WNT5B: variants seen among roughly 807,000 people sequenced by gnomAD.
The protein encoded by WNT5B is protein Wnt-5b.
Under a neutral mutation model 36.5 loss-of-function variants are expected in WNT5B, and 18 were observed. The ratio of observed to expected loss-of-function variants is 0.49; its 90% CI spans 0.34 to 0.73. WNT5B has a LOEUF of 0.73. Among genes scored for constraint, WNT5B ranks in the 30% least tolerant of loss-of-function variants. The pLI is 0.01. For synonymous variants in WNT5B, 213 were observed against 212.3 expected, an observed-to-expected ratio of 1.00 and a Z score of -0.03; for missense variants, 424 against 508.4, an observed-to-expected ratio of 0.83 and a Z score of 1.60.
At position 1,646,958 on chromosome 12, in the gene WNT5B, T is replaced by C. The variant is rs1408350835; in HGVS notation, c.*706T>C. On this transcript the variant is annotated 3_prime_UTR_variant, in exon 5 of 5. Coordinates refer to ENST00000397196, the MANE Select transcript of WNT5B (RefSeq NM_032642.3). ...GGAAAGGGGGCCATTTGACCTGACA[T>C]GTCAGGAAAGCCCTAAACTGAATGT... 6.6e-6 allele frequency: 1 copy of C among 152,228 alleles called. No individual in the cohort carries two copies. Among genetic ancestry groups the C allele is most frequent in the African/African-American group, 2.4e-5 (1 of 41,446 alleles). The allele number at this position is 152,228 out of a possible 1,614,324, so 9.4% of individuals were successfully genotyped here.
In WNT5B at chr12:1,646,918, G is replaced by A. The variant is rs1011699374; in HGVS notation, c.*666G>A. The A allele has an allele frequency of 3.3e-5, 5 of 152,228 alleles. No homozygotes were observed. The highest frequency in any genetic ancestry group is 4.8e-5 in the African/African-American group (2 of 41,424). 9.4% of individuals were successfully genotyped at this position (152,228 alleles called of 1,614,324 possible). On this transcript the variant is annotated 3_prime_UTR_variant, in exon 5 of 5. Coordinates refer to ENST00000397196, the MANE Select transcript of WNT5B (RefSeq NM_032642.3). ...ATTCTTCATCCTCCACGGTTCACTA[G>A]CTCCTACCTGAAGAGGAAAGGGGGC...
rs2094548090 is a variant in WNT5B, at chr12:1,630,332, C to T, written c.-58+961C>T. 1 of 723,308 alleles carries T rather than the reference C, an allele frequency of 1.4e-6. No individual in the cohort carries two copies. Among genetic ancestry groups the T allele is most frequent in the East Asian group, 1.3e-4 (1 of 7,652 alleles). 44.8% of individuals were successfully genotyped at this position (723,308 alleles called of 1,614,324 possible). On this transcript the variant is annotated intron_variant, in intron 1 of 4. Transcript: ENST00000397196. The surrounding 1 kb of genome is among the most constrained non-coding windows in gnomAD (Gnocchi z 5.3). ...GGCCGTGTGTCCCGAGGCGCAGGCT[C>T]GCTCTAGCAGCACTGACCTGCTGCG...
In WNT5B at chr12:1,639,417, C is replaced by CG. The variant is rs374006525; in HGVS notation, c.329-267_329-266insG. 9.2e-3 allele frequency among the ~76,000 whole-genome samples: 1,394 copies of CG among 152,238 alleles called. 19 individuals carry two copies. The highest frequency in any genetic ancestry group is 0.032 in the African/African-American group (1,309 of 41,552). On this transcript the variant is annotated intron_variant, in intron 3 of 4. Coordinates refer to ENST00000397196, the MANE Select transcript of WNT5B (RefSeq NM_032642.3). The stretch of plus-strand genomic sequence containing the variant: ...CCTCCCAAAGGGCTGGGATTACGGG[C>CG]TGAGCCACCGCGCCGGGCCAGGGAC...
chr12:1,631,188 G>C (rs539922026), intron 1 of WNT5B, 110 bp from the exon 2 acceptor site: 38 of 974,496 alleles, frequency 3.9e-5, no homozygotes, highest in Middle Eastern at 2.3e-4. Context: ...TCTTTGTGGG[G>C]AACACGCAGC....
chr12:1,638,247 AAAACAAAC>A (rs968495528), intron 3 of WNT5B, among the ~76,000 whole-genome samples: 2 of 152,352 alleles, frequency 1.3e-5, no homozygotes, highest in Non-Finnish European at 2.9e-5. Flanking sequence ...CTCTCTCTCA[AAAACAAAC>A]AAACAAACAA....
Position 1,646,150 on chromosome 12 carries a change from C to G in WNT5B, c.978C>G (p.Phe326Leu). ...GCTGCGGGCGTGGCTACAACCAGTT[C>G]AAGAGCGTGCAGGTGGAGCGCTGCC... ...LMCCGRGYNQFKSVQVERCHC... is the reference protein window; with the variant it reads ...LMCCGRGYNQLKSVQVERCHC... Residue 326 changes from phenylalanine (F) to leucine (L), a missense_variant, in exon 5 of 5, where the codon TTC becomes TTG. By Grantham distance (22) the Phe-to-Leu change is conservative. Coordinates refer to ENST00000397196, the MANE Select transcript of WNT5B (RefSeq NM_032642.3). 1 of 1,613,798 alleles carries G rather than the reference C, an allele frequency of 6.2e-7. No individual in the cohort carries two copies.
Position 1,634,968 on chromosome 12 carries a change from G to T in WNT5B, c.328+2063G>T, listed in dbSNP as rs559422255. Among the ~76,000 whole-genome samples the T allele has an allele frequency of 6.6e-4, 100 of 152,268 alleles. 2 individuals carry two copies. In the South Asian group the frequency reaches 0.02, roughly 31 times the overall value. On this transcript the variant is annotated intron_variant, in intron 3 of 4. Transcript: ENST00000397196. ...TGCTTTTTTTTAGCCGTTTATTCTT[G>T]AGATGGTTAGAGATTCAACCTGAAC...
chr12:1,622,373 C>T (rs1242102620), intron 1 of WNT5B, among the ~76,000 whole-genome samples: 1 of 152,132 alleles, frequency 6.6e-6, no homozygotes, highest in Non-Finnish European at 1.5e-5. Flanking sequence ...TTGGGGCACT[C>T]CCCAAGGTCT....
chr12:1,637,449 T>C (rs2094563924), intron 3 of WNT5B, among the ~76,000 whole-genome samples: 2 of 152,246 alleles, frequency 1.3e-5, no homozygotes, highest in South Asian at 2.1e-4. Flanking sequence ...ATAAAAGTTA[T>C]GCTGCGGGCC....
At chr12:1,645,715 G>T in intron 4 of WNT5B, 79 bp from the exon 5 acceptor site, 2 of 1,386,514 alleles carry the variant, frequency 1.4e-6, no homozygotes, top group Non-Finnish European at 2.0e-6. Flanking sequence ...TGTGTACTAG[G>T]CCTGTGGCTA....
intron 3 of WNT5B, among the ~76,000 whole-genome samples, chr12:1,639,402 G>A (rs994769814): frequency 1.3e-5 from 2 of 151,074 alleles, no homozygotes; most frequent in African/African-American, 4.9e-5. Flanking sequence ...CCTCCCAAAG[G>A]GCTGGGATTA....
chr12:1,631,961 C>G (rs2094551748), intron 2 of WNT5B, among the ~76,000 whole-genome samples: 1 of 152,152 alleles, frequency 6.6e-6, no homozygotes, highest in Admixed American at 6.5e-5. Flanking sequence ...CATTTTTACT[C>G]AGATAGCAAA....
At chr12:1,638,236 ACTCT>A (rs1158492546) in intron 3 of WNT5B, among the ~76,000 whole-genome samples, 2 of 152,156 alleles carry the variant, frequency 1.3e-5, no homozygotes, top group East Asian at 3.8e-4. Flanking sequence ...ACAGAGCGAG[ACTCT>A]CTCTCAAAAA....
Position 1,646,322 on chromosome 12 carries a change from AATC to A in WNT5B, c.*71_*73del. Reference sequence around the variant, plus strand: ...GGTCTATATTATATAAATCTATATAAATCTATTTTATATTTGTATAAGTAAATG... The same window carrying A: ...GGTCTATATTATATAAATCTATATAATATTTTATATTTGTATAAGTAAATG... On this transcript the variant is annotated 3_prime_UTR_variant, in exon 5 of 5. Transcript: ENST00000397196. 6 of 1,246,722 alleles carry A rather than the reference AATC, an allele frequency of 4.8e-6. No individual in the cohort carries two copies. Among genetic ancestry groups the A allele is most frequent in the Non-Finnish European group, 6.3e-6 (6 of 953,912 alleles). 77.2% of individuals were successfully genotyped at this position (1,246,722 alleles called of 1,614,324 possible). A position where few individuals can be genotyped will look rare whatever the true frequency, so the allele number is the denominator to read the frequency against.
chr12:1,639,608 C>CG, intron 3 of WNT5B, 76 bp from the exon 4 acceptor site: 1 of 1,418,284 alleles, frequency 7.1e-7, no homozygotes, highest in African/African-American at 1.5e-5. Flanking sequence ...GCGGGTCCGT[C>CG]GGGGGAGACG....
chr12:1,635,371 G>C (rs1246311966), intron 3 of WNT5B, among the ~76,000 whole-genome samples: 2 of 152,234 alleles, frequency 1.3e-5, no homozygotes, highest in Admixed American at 6.5e-5. Flanking sequence ...ATGTAGCTTG[G>C]AAAAGTGAAA....
At chr12:1,645,628 C>T (rs539578853) in intron 4 of WNT5B, among the ~76,000 whole-genome samples, 166 bp from the exon 5 acceptor site, 1 of 152,196 alleles carries the variant, frequency 6.6e-6, no homozygotes, top group East Asian at 1.9e-4. Flanking sequence ...TGTTTTCCCC[C>T]TGAGCACCTG....
chr12:1,631,844 CA>C (rs2094551481), intron 2 of WNT5B, among the ~76,000 whole-genome samples: 1 of 152,110 alleles, frequency 6.6e-6, no homozygotes, highest in African/African-American at 2.4e-5. Context: ...TTCACAGCAC[CA>C]TGGGTGGCTG....
intron 1 of WNT5B, 136 bp from the exon 2 acceptor site, chr12:1,631,162 G>A (rs1367691169): frequency 2.7e-6 from 2 of 729,794 alleles, no homozygotes; most frequent in African/African-American, 1.8e-5. Context: ...GGCGGAGGCT[G>A]GAAAGAGGCC....
Sources: gnomAD v4.1 joint callset for allele counts (sites outside exome capture counted in the v4.1 genomes callset) on GRCh38, gnomAD v4.1.1 for gene constraint, Gnocchi (gnomAD v3.1) non-coding constraint, MANE v1.5 for transcripts, NCBI Gene and HGNC (gene_info 2026-07-23, HGNC 2026-07-21) for gene names.